ERCC8: variants seen among roughly 807,000 people sequenced by gnomAD.
ERCC8 encodes the protein ERCC excision repair 8, CSA ubiquitin ligase complex subunit.
ERCC8 carries 52 observed loss-of-function variants against 54.9 expected under a neutral mutation model. The ratio of observed to expected loss-of-function variants is 0.95; its 90% CI spans 0.76 to 1.19. The LOEUF (loss-of-function observed/expected upper bound fraction) is 1.19, where lower values mean the gene tolerates loss of function less well. Among genes scored for constraint, ERCC8 ranks in the 50% most tolerant of loss-of-function variants. The probability of loss-of-function intolerance (pLI) is 0.00; values close to 1 mark genes in which losing one functional copy is unlikely to be tolerated. For missense variants in ERCC8, 514 were observed against 466.1 expected, an observed-to-expected ratio of 1.10 and a Z score of -0.95; for synonymous variants, 146 against 157.2, an observed-to-expected ratio of 0.93 and a Z score of 0.53.
chr5:60,899,213 G>A (rs557090375), intron 8 of ERCC8, among the ~76,000 whole-genome samples: 2 of 151,914 alleles, frequency 1.3e-5, no homozygotes, highest in East Asian at 3.9e-4. Flanking sequence ...ATGCAGTTTA[G>A]GTACTTTGTC....
At chr5:60,923,095 T>TG (rs4647073) in intron 2 of ERCC8, among the ~76,000 whole-genome samples, 102,021 of 151,542 alleles carry the variant, frequency 0.67, 34,658 homozygotes, top group East Asian at 0.94. Context: ...GCCAAACCAC[T>TG]GAAGCCTTAC....
chr5:60,926,499 A>G (rs1403862213), intron 2 of ERCC8, among the ~76,000 whole-genome samples: 1 of 152,208 alleles, frequency 6.6e-6, no homozygotes, highest in Non-Finnish European at 1.5e-5. Flanking sequence ...GGGTTAATTT[A>G]AAAGTAGTTA....
In ERCC8 at chr5:60,870,748, G is replaced by A. The variant is rs1371458627; in HGVS notation, c.*3867C>T. Among the ~76,000 whole-genome samples, 1 of 151,552 alleles carries A rather than the reference G, an allele frequency of 6.6e-6. No homozygotes were observed. The highest frequency in any genetic ancestry group is 1.5e-5 in the Non-Finnish European group (1 of 67,914). ...TAATCCAAAAAAGAAGAAGGAAAAA[G>A]GAGAAGCAACAATTAGACAAATATT... On this transcript the variant is annotated 3_prime_UTR_variant, in exon 12 of 12. Transcript: ENST00000676185.
At chr5:60,885,079 T>C (rs1748356954) in intron 11 of ERCC8, among the ~76,000 whole-genome samples, 1 of 152,040 alleles carries the variant, frequency 6.6e-6, no homozygotes, top group African/African-American at 2.4e-5. Flanking sequence ...GTGGTGCAAT[T>C]GTGGCTCACT....
chr5:60,893,733 C>T (rs1008577286), intron 9 of ERCC8: 15 of 414,816 alleles, frequency 3.6e-5, no homozygotes, highest in Non-Finnish European at 4.3e-5. Context: ...CGACTCCGCC[C>T]ACTGGGCAGT....
In ERCC8 at chr5:60,918,393, A is replaced by G; in HGVS notation, c.276-5T>C. On this transcript the variant is annotated splice_polypyrimidine_tract_variant and splice_region_variant and intron_variant, in intron 3 of 11. Coordinates refer to ENST00000676185, the MANE Select transcript of ERCC8 (RefSeq NM_000082.4). ...CTGTGAACATCAGGATGATCTCTAC[A>G]AAACAGCAATCAAAATTTACATTAA... 1 of 1,609,322 alleles carries G rather than the reference A, an allele frequency of 6.2e-7. No homozygotes were observed. The highest frequency in any genetic ancestry group is 1.1e-5 in the South Asian group (1 of 91,016).
chr5:60,928,953 CA>C lies in ERCC8; in HGVS notation c.83del (p.Leu28TrpfsTer5). 1 of 1,584,262 alleles carries C rather than the reference CA, an allele frequency of 6.3e-7. No individual in the cohort carries two copies. Among genetic ancestry groups the C allele is most frequent in the Non-Finnish European group, 8.7e-7 (1 of 1,155,046 alleles). On this transcript the variant is annotated frameshift_variant, in exon 2 of 12. Transcript: ENST00000676185. LOFTEE classifies it high-confidence loss of function. ...LRRAESTRRV[L>X]GLELNKDRDV... ...CTCTGTCTTTATTTAATTCCAGTCC[CA>C]AAACTCTTAAAAATAAAAGGGGGAG...
At chr5:60,933,162 T>G (rs775421502) in intron 1 of ERCC8, among the ~76,000 whole-genome samples, 53 of 151,876 alleles carry the variant, frequency 3.5e-4, no homozygotes, top group Non-Finnish European at 7.1e-4. Flanking sequence ...ATGGCTTTTA[T>G]AGGATGTATA....
intron 3 of ERCC8, among the ~76,000 whole-genome samples, chr5:60,920,159 T>A (rs1749561323): frequency 6.6e-6 from 1 of 152,000 alleles, no homozygotes; most frequent in Non-Finnish European, 1.5e-5. Context: ...ACCCTGACTG[T>A]GTTCTCTATC....
intron 9 of ERCC8, chr5:60,892,609 A>G: frequency 1.5e-6 from 1 of 669,894 alleles, no homozygotes; most frequent in Non-Finnish European, 2.8e-6. Flanking sequence ...TGGTACCCAG[A>G]GAGAAGGTAA....
chr5:60,892,975 C>T (rs1748611041), intron 9 of ERCC8: 1 of 767,712 alleles, frequency 1.3e-6, no homozygotes, highest in South Asian at 1.4e-5. Flanking sequence ...TTTTCAGCTC[C>T]AAAGCTGACC....
chr5:60,893,413 C>T, intron 9 of ERCC8: 3 of 899,392 alleles, frequency 3.3e-6, no homozygotes, highest in Non-Finnish European at 5.6e-6. Context: ...TCTCCTCAAC[C>T]CTCTTCTTTA....
intron 4 of ERCC8, among the ~76,000 whole-genome samples, chr5:60,913,104 C>A (rs1410818585): frequency 6.6e-6 from 1 of 152,082 alleles, no homozygotes; most frequent in Admixed American, 6.5e-5. Context: ...ATGCTGGCCT[C>A]ATAAAATGAG....
At chr5:60,914,410 C>T (rs563004879) in intron 4 of ERCC8, among the ~76,000 whole-genome samples, 1 of 151,912 alleles carries the variant, frequency 6.6e-6, no homozygotes, top group African/African-American at 2.4e-5. Flanking sequence ...GGATTGCAAC[C>T]CCTGCTTTTT....
chr5:60,940,252 A>C (rs1489417412), intron 1 of ERCC8, among the ~76,000 whole-genome samples: 3 of 152,264 alleles, frequency 2.0e-5, no homozygotes, highest in Admixed American at 2.0e-4. Context: ...CTGAAAAGTA[A>C]ACAGCCACAG....
At chr5:60,892,207 G>T in intron 9 of ERCC8, 1 of 532,276 alleles carries the variant, frequency 1.9e-6, no homozygotes, top group South Asian at 1.5e-5. Flanking sequence ...TCGGATTGGT[G>T]CAATAACCAG....
intron 3 of ERCC8, 94 bp from the exon 4 acceptor site, chr5:60,918,482 G>T: frequency 9.2e-7 from 1 of 1,092,556 alleles, no homozygotes; most frequent in Non-Finnish European, 1.4e-6. Flanking sequence ...CAGGTAGGAT[G>T]ATATGAATGG....
At position 60,868,844 on chromosome 5, in the gene ERCC8, T is replaced by C. The variant is rs1747806057; in HGVS notation, c.*5771A>G. Among the ~76,000 whole-genome samples the C allele has an allele frequency of 6.6e-6, 1 of 152,222 alleles. No individual in the cohort carries two copies. Among genetic ancestry groups the C allele is most frequent in the Non-Finnish European group, 1.5e-5 (1 of 68,028 alleles). ...AGAATTAAAACAGAAGAACTAGCAC[T>C]ATCCTGAGCCCTAGATTTAACCTTC... On this transcript the variant is annotated 3_prime_UTR_variant, in exon 12 of 12. Transcript: ENST00000676185.
intron 1 of ERCC8, among the ~76,000 whole-genome samples, chr5:60,932,801 T>G: frequency 1.3e-5 from 2 of 150,140 alleles, no homozygotes. Context: ...GGCATAGGAG[T>G]AGAGGGAAAA....
Sources: allele counts gnomAD v4.1 joint callset (sites outside exome capture counted in the v4.1 genomes callset), GRCh38; gene constraint gnomAD v4.1.1; transcripts MANE v1.5; gene names NCBI Gene and HGNC (gene_info 2026-07-23, HGNC 2026-07-21).